Variants in GSE1 observed in about 807,000 individuals in gnomAD.
GSE1 encodes the protein Gse1 coiled-coil protein.
In GSE1, 32 loss-of-function variants were observed where a neutral mutation model predicts 112.6. That is an observed-to-expected ratio of 0.28 (90% CI 0.21 to 0.38). The LOEUF (loss-of-function observed/expected upper bound fraction) is 0.38. Ranked by LOEUF, GSE1 falls within the 10% of genes least tolerant of loss-of-function variation. The probability of loss-of-function intolerance (pLI) is 1.00; values close to 1 mark genes in which losing one functional copy is unlikely to be tolerated. For missense variants in GSE1, 2,348 were observed against 1,699.2 expected (o/e 1.38, Z -6.71); for synonymous variants, 1,115 against 735.6 (o/e 1.52, Z -8.35).
intron 1 of GSE1, among the ~76,000 whole-genome samples, chr16:85,208,475 C>G (rs577185681): frequency 6.6e-6 from 1 of 152,322 alleles, no homozygotes; most frequent in South Asian, 2.1e-4. Flanking sequence ...TGACGCTGGC[C>G]TCCTGCTGCC....
chr16:85,337,660 G>A (rs1027131320), intron 1 of GSE1, among the ~76,000 whole-genome samples: 2 of 151,978 alleles, frequency 1.3e-5, no homozygotes, highest in African/African-American at 4.8e-5. Context: ...ATGGGCTGGG[G>A]GCCAGTCACC....
intron 1 of GSE1, among the ~76,000 whole-genome samples, chr16:85,274,121 C>G (rs148511470): frequency 0.01 from 1,536 of 151,832 alleles, 24 homozygotes; most frequent in African/African-American, 0.036. Flanking sequence ...CACGGAGGCT[C>G]ACTCCTGTAA....
intron 1 of GSE1, among the ~76,000 whole-genome samples, chr16:85,589,700 TGTG>T (rs1218616893): frequency 3.3e-5 from 5 of 151,140 alleles, no homozygotes; most frequent in Admixed American, 2.6e-4. Context: ...CGTGAGATAT[TGTG>T]TGTGTGTGAA....
At chr16:85,296,500 G>A (rs867023327) in intron 1 of GSE1, among the ~76,000 whole-genome samples, 2 of 152,200 alleles carry the variant, frequency 1.3e-5, no homozygotes, top group East Asian at 1.9e-4. Context: ...CCAGCTACTC[G>A]GGATGCTGAG....
At chr16:85,283,979 G>T (rs1161041712) in intron 1 of GSE1, among the ~76,000 whole-genome samples, 1 of 152,170 alleles carries the variant, frequency 6.6e-6, no homozygotes, top group African/African-American at 2.4e-5. Flanking sequence ...GCCTTTCTGG[G>T]CCTCAGTTTC....
Position 85,523,469 on chromosome 16 carries a change from G to A in GSE1, c.2465-110445G>A, listed in dbSNP as rs1452214012. On this transcript the variant is annotated intron_variant, in intron 2 of 2. Transcript: ENST00000637419. ...TGATGGAACAGCGTCCTGGTTGGGA[G>A]GAGTTGGCCACACTCCCCAGATCAG... Among the ~76,000 whole-genome samples the A allele has an allele frequency of 2.0e-5, 3 of 152,330 alleles. No homozygotes were observed. In the East Asian group the frequency reaches 5.8e-4, roughly 29 times the overall value.
chr16:85,465,596 C>T (rs1221707612), intron 2 of GSE1, among the ~76,000 whole-genome samples: 1 of 152,224 alleles, frequency 6.6e-6, no homozygotes, highest in African/African-American at 2.4e-5. Context: ...CCTCTCCCTA[C>T]CGTCTCCCCA....
chr16:85,654,898 C>T lies in GSE1; in HGVS notation c.704C>T (p.Ser235Leu). Residue 235 changes from serine (S) to leucine (L), a missense_variant, in exon 5 of 16, where the codon TCA becomes TTA. Physicochemically the swap from Ser to Leu is moderately radical, Grantham distance 145. Transcript: ENST00000253458. The part of the protein sequence containing the change: ...YHTTDDLRMS[S>L]LPPLGLDPAT... ...ACCACCGACGACCTCCGCATGTCCT[C>T]ACTGCCTCCCCTCGGCCTGGACCCG... 8 of 1,611,904 alleles carry T rather than the reference C, an allele frequency of 5.0e-6. No homozygotes were observed. The highest frequency in any genetic ancestry group is 6.8e-6 in the Non-Finnish European group (8 of 1,179,500).
At chr16:85,264,216 G>A (rs1462230104) in intron 1 of GSE1, among the ~76,000 whole-genome samples, 1 of 152,116 alleles carries the variant, frequency 6.6e-6, no homozygotes. Flanking sequence ...TTTCATGTTG[G>A]GGTAGAGGGG....
chr16:85,634,219 C>T (rs1291872212), intron 2 of GSE1, 87 bp downstream of exon 2: 11 of 922,906 alleles, frequency 1.2e-5, no homozygotes, highest in South Asian at 5.8e-5. Context: ...TGCACGCTCA[C>T]AGCAGGTCTC....
At chr16:85,213,867 A>G (rs1013899612) in intron 1 of GSE1, among the ~76,000 whole-genome samples, 1 of 152,228 alleles carries the variant, frequency 6.6e-6, no homozygotes, top group African/African-American at 2.4e-5. Context: ...CTGAGGACAG[A>G]GGGCCCCAGG....
In GSE1 at chr16:85,229,072, C is replaced by T. The variant is rs375904227; in HGVS notation, c.2283+57265C>T. ...ATCCCCACCAAGGAGGAAACACATC[C>T]GCTGGGGAGTTGTGGAGCACAGCCT... On this transcript the variant is annotated intron_variant, in intron 1 of 2. Transcript: ENST00000637419. 1.7e-3 allele frequency among the ~76,000 whole-genome samples: 257 copies of T among 152,348 alleles called. 1 individual carries two copies. The South Asian group carries it at 0.019, about 11-fold the overall frequency.
chr16:85,460,003 T>C (rs377174340), intron 2 of GSE1, among the ~76,000 whole-genome samples: 7 of 152,318 alleles, frequency 4.6e-5, no homozygotes, highest in Admixed American at 2.6e-4. Context: ...TTCCCTGTGA[T>C]CCTGTCCTTC....
At chr16:85,515,954 G>A (rs914744648) in intron 2 of GSE1, among the ~76,000 whole-genome samples, 1 of 152,168 alleles carries the variant, frequency 6.6e-6, no homozygotes. Context: ...CACCGCACAC[G>A]TTGGGCAGGG....
chr16:85,655,030 G>GCCTT (rs1469421516), intron 5 of GSE1, 39 bp downstream of exon 5: 5 of 1,306,740 alleles, frequency 3.8e-6, no homozygotes, highest in Non-Finnish European at 4.3e-6. Context: ...CTAGGTGCTG[G>GCCTT]CCTGTTCCTG....
intron 1 of GSE1, among the ~76,000 whole-genome samples, chr16:85,172,438 C>T (rs1017838170): frequency 6.6e-6 from 1 of 152,238 alleles, no homozygotes; most frequent in African/African-American, 2.4e-5. Context: ...CTCTGCAAGT[C>T]AGCTGTGCAG....
chr16:85,433,804 TG>T (rs1416726780), intron 2 of GSE1, among the ~76,000 whole-genome samples: 2 of 151,916 alleles, frequency 1.3e-5, no homozygotes, highest in African/African-American at 4.8e-5. Context: ...GGATGGATTT[TG>T]GATGGGTAGA....
chr16:85,222,004 C>T (rs7191098), intron 1 of GSE1, among the ~76,000 whole-genome samples: 26,810 of 152,176 alleles, frequency 0.18, 2,562 homozygotes, highest in South Asian at 0.34. Context: ...GGGAGGCCCA[C>T]AGCAGCCTGG....
At chr16:85,213,466 A>G (rs1362604131) in intron 1 of GSE1, among the ~76,000 whole-genome samples, 1 of 152,110 alleles carries the variant, frequency 6.6e-6, no homozygotes, top group East Asian at 1.9e-4. Context: ...AAATTAAAGA[A>G]CAGCCCCTCA....
Sources: gnomAD v4.1 joint callset for allele counts (sites outside exome capture counted in the v4.1 genomes callset) on GRCh38, gnomAD v4.1.1 for gene constraint, MANE v1.5 for transcripts, NCBI Gene and HGNC (gene_info 2026-07-23, HGNC 2026-07-21) for gene names.